ITSN2: variants seen among roughly 807,000 people sequenced by gnomAD.
The protein encoded by ITSN2 is intersectin-2.
In ITSN2, 156 loss-of-function variants were observed where a neutral mutation model predicts 243.7. The ratio of observed to expected loss-of-function variants is 0.64; its 90% confidence interval spans 0.56 to 0.73. ITSN2 has a LOEUF of 0.73. Ranked by LOEUF, ITSN2 falls within the 30% of genes least tolerant of loss-of-function variation. ITSN2 has a pLI of 0.00. For missense variants in ITSN2, 1,801 were observed against 1,996.1 expected (o/e 0.90, Z 1.86); for synonymous variants, 703 against 699.9 (o/e 1.00, Z -0.07).
At chr2:24,233,396 G>A (rs371510451) in intron 29 of ITSN2, among the ~76,000 whole-genome samples, 5 of 151,994 alleles carry the variant, frequency 3.3e-5, no homozygotes, top group East Asian at 1.9e-4. Context: ...CAGGTTCTTC[G>A]GTACCTTGGA....
chr2:24,252,745 C>A (rs1274324607), intron 24 of ITSN2, among the ~76,000 whole-genome samples: 1 of 151,840 alleles, frequency 6.6e-6, no homozygotes, highest in African/African-American at 2.4e-5. Context: ...TCTTTTATTC[C>A]CAATTGTTTA....
intron 1 of ITSN2, among the ~76,000 whole-genome samples, chr2:24,355,452 CAACA>C (rs1367553997): frequency 6.6e-6 from 1 of 152,148 alleles, no homozygotes; most frequent in Non-Finnish European, 1.5e-5. Flanking sequence ...ATCTGATCTT[CAACA>C]AACAAGACAA....
At chr2:24,218,067 C>T (rs1200088152) in intron 30 of ITSN2, 54 bp from the exon 31 acceptor site, 15 of 1,148,940 alleles carry the variant, frequency 1.3e-5, no homozygotes, top group African/African-American at 3.0e-5. Context: ...ACACAGCCTA[C>T]GTGTGGTCTA....
At chr2:24,319,696 G>C (rs527939069) in intron 2 of ITSN2, among the ~76,000 whole-genome samples, 14 of 152,222 alleles carry the variant, frequency 9.2e-5, no homozygotes, top group Non-Finnish European at 1.9e-4. Context: ...TCATCCAGGA[G>C]GCTATGTTAG....
chr2:24,234,757 CGTT>C (rs771800971), intron 29 of ITSN2, among the ~76,000 whole-genome samples: 3 of 152,126 alleles, frequency 2.0e-5, no homozygotes, highest in Non-Finnish European at 4.4e-5. Context: ...TTGCATCATA[CGTT>C]GTTGGGAAAA....
intron 33 of ITSN2, among the ~76,000 whole-genome samples, 181 bp downstream of exon 33, chr2:24,212,469 G>A (rs1289886387): frequency 2.0e-5 from 3 of 152,140 alleles, no homozygotes; most frequent in Non-Finnish European, 2.9e-5. Context: ...AGGATTCAGC[G>A]TGTTTCTGTG....
At chr2:24,301,922 C>T (rs750328341) in intron 10 of ITSN2, 43 bp downstream of exon 10, 11 of 1,554,262 alleles carry the variant, frequency 7.1e-6, no homozygotes, top group East Asian at 2.4e-5. Context: ...TCACATCTGC[C>T]AAGTTATCAA....
At chr2:24,269,915 A>C (rs1486925438) in intron 20 of ITSN2, among the ~76,000 whole-genome samples, 1 of 152,192 alleles carries the variant, frequency 6.6e-6, no homozygotes. Flanking sequence ...GCTCGGGCAC[A>C]GCTCCGGTAC....
chr2:24,331,514 A>G (rs1263172521), intron 1 of ITSN2, among the ~76,000 whole-genome samples: 3 of 152,132 alleles, frequency 2.0e-5, no homozygotes, highest in Non-Finnish European at 4.4e-5. Flanking sequence ...TAGTTTTGAG[A>G]GAGTTCCTCT....
At position 24,216,164 on chromosome 2, in the gene ITSN2, G is replaced by A; in HGVS notation, c.3875C>T (p.Ala1292Val). The A allele has an allele frequency of 3.7e-6, 6 of 1,612,468 alleles. No homozygotes were observed. The highest frequency in any genetic ancestry group is 1.3e-5 in the African/African-American group (1 of 74,928). ...MPVQMIGDILAAELSHMQAYI... is the reference protein window; with the variant it reads ...MPVQMIGDILVAELSHMQAYI... ...AGCCTGCATGTGGGACAGCTCAGCG[G>A]CCAGGATGTCCCCAATCATCTGCAC... is the stretch of plus-strand genomic sequence containing the variant. The change falls in exon 32 of 40, where the codon GCC (alanine) becomes GTC (valine). Residue 1292 changes from alanine (A) to valine (V), a missense_variant. Coordinates refer to ENST00000355123, the MANE Select transcript of ITSN2 (RefSeq NM_006277.3).
At chr2:24,301,093 A>G (rs1170429617) in intron 11 of ITSN2, 61 bp downstream of exon 11, 1 of 886,762 alleles carries the variant, frequency 1.1e-6, no homozygotes, top group Non-Finnish European at 1.7e-6. Flanking sequence ...ATTCCATTAC[A>G]TTTAAAGGTA....
chr2:24,302,978 T>C (rs911091622), intron 9 of ITSN2, among the ~76,000 whole-genome samples: 1 of 152,216 alleles, frequency 6.6e-6, no homozygotes, highest in African/African-American at 2.4e-5. Context: ...AGCAACGCAT[T>C]ACCTATGTGT....
chr2:24,327,831 A>C (rs1685324558), intron 2 of ITSN2, among the ~76,000 whole-genome samples: 1 of 152,172 alleles, frequency 6.6e-6, no homozygotes, highest in South Asian at 2.1e-4. Flanking sequence ...GGTTATTCCT[A>C]ACTGCTCAAT....
At position 24,298,691 on chromosome 2, in the gene ITSN2, T is replaced by C. The variant is rs370935977; in HGVS notation, c.1468A>G (p.Asn490Asp). Residue 490 changes from asparagine (N) to aspartate (D), a missense_variant, in exon 13 of 40, where the codon AAT becomes GAT. By Grantham distance (23) the Asn-to-Asp change is conservative. Coordinates refer to ENST00000355123, the MANE Select transcript of ITSN2 (RefSeq NM_006277.3). ...EIVRLNSKKK[N>D]LHLELEALNG... is the part of the protein sequence containing the mutation. ...AGTGCTTCCAACTCAAGATGAAGAT[T>C]CTTCTTTTTAGAGTTTAACCTGACA... 1.2e-6 allele frequency: 2 copies of C among 1,603,442 alleles called. No homozygotes were observed. Among genetic ancestry groups the C allele is most frequent in the Non-Finnish European group, 1.7e-6 (2 of 1,177,344 alleles).
At chr2:24,291,493 T>C (rs1027778948) in intron 15 of ITSN2, among the ~76,000 whole-genome samples, 1 of 145,084 alleles carries the variant, frequency 6.9e-6, no homozygotes, top group Middle Eastern at 3.3e-3. Context: ...TTCTTCCTTT[T>C]TTTTTTTTTT....
intron 1 of ITSN2, among the ~76,000 whole-genome samples, chr2:24,336,110 C>A (rs956608877): frequency 2.0e-5 from 3 of 151,590 alleles, no homozygotes; most frequent in Non-Finnish European, 4.4e-5. Flanking sequence ...GGCATGGTGG[C>A]GGGCACCTGT....
chr2:24,319,753 G>C (rs1684337979), intron 2 of ITSN2, among the ~76,000 whole-genome samples: 1 of 152,240 alleles, frequency 6.6e-6, no homozygotes, highest in Non-Finnish European at 1.5e-5. Context: ...TCCCACGGCA[G>C]TAGGGGTTGC....
intron 17 of ITSN2, among the ~76,000 whole-genome samples, chr2:24,283,318 G>A (rs531319774): frequency 1.0e-3 from 157 of 151,976 alleles, no homozygotes; most frequent in African/African-American, 3.6e-3. Flanking sequence ...TCCGCCTCCC[G>A]GGTTCAAGCG....
chr2:24,253,654 G>T (rs1026298027), intron 24 of ITSN2, among the ~76,000 whole-genome samples: 1 of 152,188 alleles, frequency 6.6e-6, no homozygotes, highest in Non-Finnish European at 1.5e-5. Flanking sequence ...CCATTCTATT[G>T]TGAGCACTTT....
Sources: gnomAD v4.1 joint callset for allele counts (sites outside exome capture counted in the v4.1 genomes callset) on GRCh38, gnomAD v4.1.1 for gene constraint, MANE v1.5 for transcripts, NCBI Gene and HGNC (gene_info 2026-07-23, HGNC 2026-07-21) for gene names.